ULK4: variants seen among roughly 807,000 people sequenced by gnomAD.
ULK4 encodes the protein unc-51 like kinase 4.
ULK4 carries 133 observed loss-of-function variants against 160.6 expected under a neutral mutation model. The ratio of observed to expected loss-of-function variants is 0.83; its 90% CI spans 0.72 to 0.96. The LOEUF is 0.96. Among genes scored for constraint, ULK4 ranks in the 40% least tolerant of loss-of-function variants. ULK4 has a pLI of 0.00. For missense variants in ULK4, 1,580 were observed against 1,499.5 expected (o/e 1.05, Z -0.89); for synonymous variants, 534 against 539.8 (o/e 0.99, Z 0.15).
intron 35 of ULK4, among the ~76,000 whole-genome samples, chr3:41,375,075 A>G (rs375940853): frequency 3.6e-3 from 554 of 152,306 alleles, no homozygotes; most frequent in Non-Finnish European, 6.4e-3. Flanking sequence ...ACAATTTACA[A>G]GGGATGTGAA....
chr3:41,607,534 T>TCAC (rs2032438148), intron 31 of ULK4, among the ~76,000 whole-genome samples: 1 of 152,164 alleles, frequency 6.6e-6, no homozygotes, highest in Non-Finnish European at 1.5e-5. Flanking sequence ...TATAAAGGTA[T>TCAC]CACCCTTTGA....
intron 5 of ULK4, among the ~76,000 whole-genome samples, chr3:41,923,314 C>T (rs1348034558): frequency 6.6e-6 from 1 of 152,082 alleles, no homozygotes; most frequent in Non-Finnish European, 1.5e-5. Flanking sequence ...GCCTGGCCAA[C>T]ATGGTGAAAC....
intron 22 of ULK4, among the ~76,000 whole-genome samples, chr3:41,745,952 A>AG (rs906327746): frequency 5.3e-5 from 8 of 151,022 alleles, no homozygotes; most frequent in African/African-American, 1.5e-4. Context: ...TCATGATGAG[A>AG]GAAAAAAAAA....
intron 21 of ULK4, among the ~76,000 whole-genome samples, chr3:41,769,231 A>C (rs553156487): frequency 1.5e-3 from 226 of 152,270 alleles, no homozygotes; most frequent in African/African-American, 5.1e-3. Context: ...TTTCAGAAAA[A>C]CTGAATGAAC....
intron 19 of ULK4, 85 bp downstream of exon 19, chr3:41,819,338 A>G: frequency 1.5e-6 from 2 of 1,306,958 alleles, no homozygotes; most frequent in Non-Finnish European, 2.1e-6. Flanking sequence ...AAGCTCCTGC[A>G]CTGCTGCAGG....
chr3:41,385,775 T>A (rs1313570591), intron 35 of ULK4, among the ~76,000 whole-genome samples: 2 of 152,188 alleles, frequency 1.3e-5, no homozygotes, highest in African/African-American at 4.8e-5. Context: ...CTTGCTTGCT[T>A]TGTCAGCAGT....
chr3:41,841,131 G>T (rs975097705), intron 17 of ULK4, among the ~76,000 whole-genome samples: 4 of 148,574 alleles, frequency 2.7e-5, no homozygotes, highest in Admixed American at 2.7e-4. Context: ...GAGCGCCTCT[G>T]CTCGGCCGCC....
intron 32 of ULK4, among the ~76,000 whole-genome samples, chr3:41,541,137 T>C (rs113226370): frequency 0.062 from 9,367 of 152,292 alleles, 862 homozygotes; most frequent in African/African-American, 0.2. Context: ...TGCTCAGGTT[T>C]TCTTCTAGGG....
intron 17 of ULK4, among the ~76,000 whole-genome samples, chr3:41,839,339 C>CA (rs200195203): frequency 0.12 from 17,835 of 149,654 alleles, 1,267 homozygotes; most frequent in Middle Eastern, 0.26. Context: ...GACTCTGTCT[C>CA]AAAAAAAAGA....
At chr3:41,271,822 C>A (rs879900914) in intron 35 of ULK4, among the ~76,000 whole-genome samples, 4 of 152,002 alleles carry the variant, frequency 2.6e-5, no homozygotes, top group Non-Finnish European at 5.9e-5. Flanking sequence ...CTACTATGAA[C>A]CCTCATGATT....
intron 20 of ULK4, among the ~76,000 whole-genome samples, chr3:41,798,819 T>G (rs2040374255): frequency 6.6e-6 from 1 of 151,942 alleles, no homozygotes; most frequent in Non-Finnish European, 1.5e-5. Flanking sequence ...AAGGAAACAT[T>G]TGAGAGTCAG....
At chr3:41,642,758 T>C (rs2034281594) in intron 30 of ULK4, among the ~76,000 whole-genome samples, 1 of 152,228 alleles carries the variant, frequency 6.6e-6, no homozygotes, top group Non-Finnish European at 1.5e-5. Context: ...CCCTGAAGAA[T>C]CACCACACTG....
chr3:41,484,757 G>A (rs1372978116), intron 32 of ULK4, among the ~76,000 whole-genome samples: 1 of 151,998 alleles, frequency 6.6e-6, no homozygotes, highest in Non-Finnish European at 1.5e-5. Context: ...CGGCCCGAGT[G>A]ACCTTTTTAC....
chr3:41,876,251 A>G (rs2125697030), intron 17 of ULK4, among the ~76,000 whole-genome samples: 1 of 152,306 alleles, frequency 6.6e-6, no homozygotes, highest in African/African-American at 2.4e-5. Context: ...AATGATGCAA[A>G]GGTGATTTAT....
In ULK4 at chr3:41,615,639, T is replaced by C. The variant is rs2032926966; in HGVS notation, c.3120+30A>G. ...ATCTTTACAATTTCAAAATTTCATT[T>C]GAATTTCAAATGCACATTTCCGTTC... On this transcript the variant is annotated intron_variant, in intron 31 of 36. Transcript: ENST00000301831. 3 of 1,607,218 alleles carry C rather than the reference T, an allele frequency of 1.9e-6. No individual in the cohort carries two copies. The South Asian group carries it at 3.3e-5, about 18-fold the overall frequency.
At chr3:41,724,397 T>C (rs1457193047) in intron 22 of ULK4, among the ~76,000 whole-genome samples, 1 of 152,174 alleles carries the variant, frequency 6.6e-6, no homozygotes, top group Non-Finnish European at 1.5e-5. Context: ...GTGATCATTA[T>C]GTCAATTTAT....
chr3:41,908,355 C>G (rs1263594296), intron 11 of ULK4, among the ~76,000 whole-genome samples: 1 of 152,184 alleles, frequency 6.6e-6, no homozygotes, highest in Non-Finnish European at 1.5e-5. Context: ...ACAATCCATA[C>G]CTATTTGTAA....
intron 33 of ULK4, among the ~76,000 whole-genome samples, chr3:41,457,148 C>T (rs1043566827): frequency 6.6e-6 from 1 of 152,170 alleles, no homozygotes; most frequent in Non-Finnish European, 1.5e-5. Context: ...AGCCTTTCCA[C>T]ATTACCACAT....
At chr3:41,923,233 T>C (rs1395555904) in intron 5 of ULK4, among the ~76,000 whole-genome samples, 1 of 151,858 alleles carries the variant, frequency 6.6e-6, no homozygotes, top group East Asian at 1.9e-4. Flanking sequence ...GCACAGTGGC[T>C]CATGTCTGTA....
Sources: allele counts gnomAD v4.1 joint callset (sites outside exome capture counted in the v4.1 genomes callset), GRCh38; gene constraint gnomAD v4.1.1; transcripts MANE v1.5; gene names NCBI Gene and HGNC (gene_info 2026-07-23, HGNC 2026-07-21).